UTRN: variants seen among roughly 807,000 people sequenced by gnomAD.
UTRN encodes utrophin.
UTRN carries 283 observed loss-of-function variants against 463.9 expected under a neutral mutation model. The ratio of observed to expected loss-of-function variants is 0.61; its 90% CI spans 0.55 to 0.67. UTRN has a LOEUF of 0.67. UTRN is among the 30% of genes least tolerant of loss of function. UTRN has a pLI of 0.00. For synonymous variants in UTRN, 1,442 were observed against 1,431.5 expected (o/e 1.01, Z -0.17); for missense variants, 3,922 against 4,084.3 (o/e 0.96, Z 1.08).
chr6:144,633,707 T>C (rs968493884), intron 51 of UTRN, among the ~76,000 whole-genome samples: 11 of 152,244 alleles, frequency 7.2e-5, no homozygotes, highest in Non-Finnish European at 1.0e-4. Context: ...TGCACTACAC[T>C]AATATTCTAT....
chr6:144,374,630 C>T (rs927756873), intron 2 of UTRN, among the ~76,000 whole-genome samples: 3 of 151,488 alleles, frequency 2.0e-5, no homozygotes, highest in Non-Finnish European at 4.4e-5. Context: ...ACTGCAGGCA[C>T]GTGCCACCAC....
intron 3 of UTRN, among the ~76,000 whole-genome samples, chr6:144,413,537 G>A (rs1405624891): frequency 6.6e-6 from 1 of 152,086 alleles, no homozygotes; most frequent in Non-Finnish European, 1.5e-5. Flanking sequence ...GCACAGGAAA[G>A]ACCCACCCCC....
At chr6:144,527,158 T>G (rs1286094038) in intron 41 of UTRN, among the ~76,000 whole-genome samples, 2 of 152,216 alleles carry the variant, frequency 1.3e-5, no homozygotes, top group East Asian at 3.8e-4. Flanking sequence ...GTTTCAAGAC[T>G]TAGAGCTCCT....
intron 64 of UTRN, among the ~76,000 whole-genome samples, chr6:144,801,483 T>G (rs1208911606): frequency 6.6e-6 from 1 of 152,154 alleles, no homozygotes; most frequent in Admixed American, 6.5e-5. Flanking sequence ...TATAGAATAA[T>G]CTTAACTTCA....
At chr6:144,800,622 C>T (rs1448386684) in intron 64 of UTRN, among the ~76,000 whole-genome samples, 1 of 152,144 alleles carries the variant, frequency 6.6e-6, no homozygotes, top group Non-Finnish European at 1.5e-5. Context: ...ACCTGAGTTT[C>T]TTCAACTTCA....
chr6:144,851,764 T>A lies in UTRN; in HGVS notation c.*767T>A, dbSNP rs1437379250. 1 of 152,216 alleles carries A rather than the reference T, an allele frequency of 6.6e-6. No individual in the cohort carries two copies. Among genetic ancestry groups the A allele is most frequent in the Non-Finnish European group, 1.5e-5 (1 of 68,034 alleles). 9.4% of individuals were successfully genotyped at this position (152,216 alleles called of 1,614,324 possible). Reference sequence around the variant, plus strand: ...TATTTTTCCTGCATTTTATTCCCTTTTTATATAAGTAGGAATTAATTATTT... The same window carrying A: ...TATTTTTCCTGCATTTTATTCCCTTATTATATAAGTAGGAATTAATTATTT... On this transcript the variant is annotated 3_prime_UTR_variant, in exon 75 of 75. Transcript: ENST00000367545.
chr6:144,371,677 G>T (rs1286907115), intron 2 of UTRN, among the ~76,000 whole-genome samples: 1 of 152,166 alleles, frequency 6.6e-6, no homozygotes, highest in Non-Finnish European at 1.5e-5. Context: ...CAAAGCGCTG[G>T]GATTACAGGC....
chr6:144,681,511 C>T (rs984165074), intron 52 of UTRN, among the ~76,000 whole-genome samples: 1 of 151,888 alleles, frequency 6.6e-6, no homozygotes, highest in Non-Finnish European at 1.5e-5. Context: ...TAAGATCAGG[C>T]CTGCAGAGTC....
chr6:144,301,750 G>A (rs1051831852), intron 2 of UTRN, among the ~76,000 whole-genome samples: 1 of 151,764 alleles, frequency 6.6e-6, no homozygotes, highest in African/African-American at 2.4e-5. Context: ...GCCGAGGCTG[G>A]TCCTGAGCTC....
intron 56 of UTRN, among the ~76,000 whole-genome samples, chr6:144,753,889 C>T (rs766596764): frequency 6.6e-6 from 1 of 151,574 alleles, no homozygotes; most frequent in East Asian, 1.9e-4. Context: ...AAAACCAAAA[C>T]CAAAAATGTA....
rs117706130 is a variant in UTRN, at chr6:144,834,918, A to G, written c.9666-862A>G. The stretch of plus-strand genomic sequence containing the variant: ...CATCGATTTCCAGGACTTGTTTACC[A>G]AAAGCCATCAAAACGGACCACGTGC... On this transcript the variant is annotated intron_variant, in intron 69 of 74. Transcript: ENST00000367545. Among the ~76,000 whole-genome samples, 237 of 152,328 alleles carry G rather than the reference A, an allele frequency of 1.6e-3. 5 individuals are homozygous for G. The East Asian group carries it at 0.037, about 24-fold the overall frequency.
At chr6:144,614,890 C>T (rs546866064) in intron 51 of UTRN, among the ~76,000 whole-genome samples, 1 of 152,172 alleles carries the variant, frequency 6.6e-6, no homozygotes, top group African/African-American at 2.4e-5. Flanking sequence ...CAATTCCTGA[C>T]CTTAAACAAA....
chr6:144,287,033 C>G (rs112016490), intron 1 of UTRN, among the ~76,000 whole-genome samples: 4,601 of 152,168 alleles, frequency 0.03, 218 homozygotes, highest in African/African-American at 0.1. Flanking sequence ...TCCCGGCCGC[C>G]CGGCCGGGCG....
intron 54 of UTRN, among the ~76,000 whole-genome samples, chr6:144,747,043 A>T (rs914380434): frequency 3.3e-5 from 5 of 152,230 alleles, no homozygotes; most frequent in African/African-American, 1.2e-4. Context: ...AAGCAGGCAG[A>T]CCAATTTACA....
At chr6:144,471,065 G>GGGGAGA in intron 23 of UTRN, among the ~76,000 whole-genome samples, 1 of 106,762 alleles carries the variant, frequency 9.4e-6, no homozygotes, top group South Asian at 4.5e-4. Context: ...GGAGAGGGAG[G>GGGGAGA]GGGAGGGGGC....
At chr6:144,430,575 T>C (rs183161468) in intron 9 of UTRN, among the ~76,000 whole-genome samples, 1 of 152,290 alleles carries the variant, frequency 6.6e-6, no homozygotes, top group African/African-American at 2.4e-5. Context: ...TTGTTTTGGG[T>C]TGTTACTTAA....
At position 144,554,855 on chromosome 6, in the gene UTRN, C is replaced by T. The variant is rs866842755; in HGVS notation, c.7096C>T (p.Arg2366Ter). ...TCGACTCTATATTCTTCAGCAAGCC[C>T]GACGGGATCCACTCACCAAACAAAT... ...EARLYILQQA[R>*]RDPLTKQISD... is the part of the protein sequence containing the mutation. The change falls in exon 49 of 75, where the codon CGA becomes TGA. Residue 2366 changes from arginine to a stop codon, truncating the protein, a stop_gained. Coordinates refer to ENST00000367545, the MANE Select transcript of UTRN (RefSeq NM_007124.3). LOFTEE classifies it high-confidence loss of function. 5.0e-6 allele frequency: 8 copies of T among 1,613,720 alleles called. No homozygotes were observed. Among genetic ancestry groups the T allele is most frequent in the African/African-American group, 2.7e-5 (2 of 74,860 alleles).
chr6:144,414,329 T>A (rs1784187650), intron 3 of UTRN, among the ~76,000 whole-genome samples: 2 of 152,134 alleles, frequency 1.3e-5, no homozygotes, highest in Admixed American at 1.3e-4. Context: ...CTAATGTGTA[T>A]GTTTGTGTCT....
At chr6:144,850,597 TTGGGATCAAGA>T (rs1186458358) in intron 74 of UTRN, among the ~76,000 whole-genome samples, 1 of 152,124 alleles carries the variant, frequency 6.6e-6, no homozygotes, top group Non-Finnish European at 1.5e-5. Context: ...GGACTCCAGC[TTGGGATCAAGA>T]TGGTTGGCAT....
Sources: gnomAD v4.1 joint callset for allele counts (sites outside exome capture counted in the v4.1 genomes callset) on GRCh38, gnomAD v4.1.1 for gene constraint, MANE v1.5 for transcripts, NCBI Gene and HGNC (gene_info 2026-07-23, HGNC 2026-07-21) for gene names.